CALD1: variants seen among roughly 807,000 people sequenced by gnomAD.
The protein encoded by CALD1 is caldesmon.
In CALD1, 33 loss-of-function variants were observed where a neutral mutation model predicts 99.9. That is an observed-to-expected ratio of 0.33 (90% CI 0.25 to 0.44). The LOEUF is 0.44. Among genes scored for constraint, CALD1 ranks in the 20% least tolerant of loss-of-function variants. The pLI, the probability that CALD1 is intolerant of heterozygous loss-of-function variation, is 1.00. For missense variants in CALD1, 861 were observed against 962.1 expected, an observed-to-expected ratio of 0.89 and a Z score of 1.39; for synonymous variants, 310 against 325.0, an observed-to-expected ratio of 0.95 and a Z score of 0.50.
chr7:134,757,431 T>C (rs1796739418), intron 1 of CALD1, among the ~76,000 whole-genome samples: 2 of 152,216 alleles, frequency 1.3e-5, no homozygotes, highest in African/African-American at 2.4e-5. Flanking sequence ...TTGTTGATGC[T>C]TACAATTTGC....
intron 3 of CALD1, among the ~76,000 whole-genome samples, chr7:134,910,082 T>C (rs77112729): frequency 0.023 from 3,576 of 152,276 alleles, 133 homozygotes; most frequent in African/African-American, 0.082. Flanking sequence ...ATAGTCAATA[T>C]AGTGTTCCGA....
At chr7:134,957,859 T>C (rs1421297067) in intron 9 of CALD1, among the ~76,000 whole-genome samples, 5 of 152,070 alleles carry the variant, frequency 3.3e-5, no homozygotes, top group Non-Finnish European at 7.4e-5. Flanking sequence ...CTCTATCCTG[T>C]ATCAATCCTA....
chr7:134,715,184 A>G, the CALD1 span, among the ~76,000 whole-genome samples: 1 of 152,178 alleles, frequency 6.6e-6, no homozygotes, highest in African/African-American at 2.4e-5. Context: ...TACACACTCA[A>G]ATTTCACATG....
chr7:134,751,382 A>T (rs1796684538), intron 1 of CALD1, among the ~76,000 whole-genome samples: 1 of 152,190 alleles, frequency 6.6e-6, no homozygotes, highest in Non-Finnish European at 1.5e-5. Flanking sequence ...GGCATCTCCC[A>T]TACCCTTATT....
intron 1 of CALD1, among the ~76,000 whole-genome samples, chr7:134,836,531 G>A (rs1050132648): frequency 6.6e-6 from 1 of 152,032 alleles, no homozygotes; most frequent in African/African-American, 2.4e-5. Context: ...CACAAACTTT[G>A]GACTTTTTAT....
chr7:134,869,800 T>C (rs1052801154), intron 3 of CALD1, among the ~76,000 whole-genome samples: 4 of 152,102 alleles, frequency 2.6e-5, no homozygotes, highest in Non-Finnish European at 5.9e-5. Flanking sequence ...ATGGTGGTGC[T>C]AGTACAAAAG....
chr7:134,877,165 G>C (rs1001872075), intron 3 of CALD1, among the ~76,000 whole-genome samples: 3 of 152,302 alleles, frequency 2.0e-5, no homozygotes, highest in African/African-American at 7.2e-5. Context: ...GACATGGTAA[G>C]AAAGGCGCTC....
At chr7:134,782,844 T>G (rs985697654) in intron 1 of CALD1, among the ~76,000 whole-genome samples, 2 of 152,234 alleles carry the variant, frequency 1.3e-5, no homozygotes, top group Non-Finnish European at 2.9e-5. Context: ...AGTGATATCT[T>G]CTCGCTCCTG....
At chr7:134,848,638 A>G (rs1371562361) in intron 2 of CALD1, among the ~76,000 whole-genome samples, 1 of 152,184 alleles carries the variant, frequency 6.6e-6, no homozygotes. Flanking sequence ...GTTGGGCCCT[A>G]ATGAAGAAGC....
chr7:134,790,756 T>C (rs1335297475), intron 1 of CALD1, among the ~76,000 whole-genome samples: 1 of 152,210 alleles, frequency 6.6e-6, no homozygotes, highest in African/African-American at 2.4e-5. Flanking sequence ...GTACCAGAGA[T>C]AGTTTAACAA....
intron 1 of CALD1, among the ~76,000 whole-genome samples, chr7:134,770,615 A>G (rs10266371): frequency 0.64 from 96,920 of 152,030 alleles, 33,439 homozygotes; most frequent in African/African-American, 0.89. Context: ...AAGGCCACTT[A>G]TGGTTGGATT....
At chr7:134,779,933 G>C in intron 1 of CALD1, among the ~76,000 whole-genome samples, 184 bp downstream of exon 1, 1 of 152,196 alleles carries the variant, frequency 6.6e-6, no homozygotes, top group East Asian at 1.9e-4. Flanking sequence ...AGGCAAACAG[G>C]ATGAGATTTC....
At chr7:134,934,214 C>A in intron 5 of CALD1, 137 bp downstream of exon 5, 2 of 1,314,854 alleles carry the variant, frequency 1.5e-6, no homozygotes, top group Non-Finnish European at 2.1e-6. Flanking sequence ...TTTTTTCAGG[C>A]CATAGCGATA....
At chr7:134,748,708 T>TCACC (rs1796657534) in intron 1 of CALD1, among the ~76,000 whole-genome samples, 1 of 132,274 alleles carries the variant, frequency 7.6e-6, no homozygotes, top group African/African-American at 3.0e-5. Flanking sequence ...TGAAACTCCA[T>TCACC]CCCCCCGCCC....
rs772543987 is a variant in CALD1, at chr7:134,897,349, A to C, written c.71+29545A>C. 2.3e-3 allele frequency among the ~76,000 whole-genome samples: 339 copies of C among 149,372 alleles called. 4 individuals carry two copies. The highest frequency in any genetic ancestry group is 2.0e-3 in the Non-Finnish European group (136 of 67,526). On this transcript the variant is annotated intron_variant, in intron 3 of 14. Transcript: ENST00000361675. Reference sequence around the variant, plus strand: ...TGACCTTCTGAAATAAATGCATTTTATTTTGTAACCCCAGTACCTATATAC... The same window carrying C: ...TGACCTTCTGAAATAAATGCATTTTCTTTTGTAACCCCAGTACCTATATAC...
At chr7:134,809,791 G>A (rs993965244) in intron 1 of CALD1, among the ~76,000 whole-genome samples, 5 of 152,062 alleles carry the variant, frequency 3.3e-5, no homozygotes, top group African/African-American at 1.2e-4. Context: ...ATGCCTTGAC[G>A]GCTTACTCAC....
chr7:134,931,602 G>A (rs1805525999), intron 4 of CALD1, among the ~76,000 whole-genome samples: 1 of 152,156 alleles, frequency 6.6e-6, no homozygotes, highest in African/African-American at 2.4e-5. Context: ...GAAATTTGAT[G>A]GAGTTTCTAA....
intron 3 of CALD1, among the ~76,000 whole-genome samples, chr7:134,928,464 A>T (rs1345118609): frequency 6.8e-6 from 1 of 147,212 alleles, no homozygotes; most frequent in East Asian, 2.0e-4. Flanking sequence ...AAACTAACCC[A>T]CAGTTTCCAA....
At chr7:134,728,729 A>G in the CALD1 span, among the ~76,000 whole-genome samples, 1 of 152,194 alleles carries the variant, frequency 6.6e-6, no homozygotes, top group South Asian at 2.1e-4. Context: ...AAAGATCTCT[A>G]GACTCTTCCT....
Sources: allele counts gnomAD v4.1 joint callset (sites outside exome capture counted in the v4.1 genomes callset), GRCh38; gene constraint gnomAD v4.1.1; transcripts MANE v1.5; gene names NCBI Gene and HGNC (gene_info 2026-07-23, HGNC 2026-07-21).